MED12L: variants seen among roughly 807,000 people sequenced by gnomAD.
The protein encoded by MED12L is mediator of RNA polymerase II transcription subunit 12-like protein.
In MED12L, 60 loss-of-function variants were observed where a neutral mutation model predicts 281.3. The ratio of observed to expected loss-of-function variants is 0.21; its 90% confidence interval spans 0.17 to 0.26. The LOEUF (loss-of-function observed/expected upper bound fraction) is 0.26, where lower values mean the gene tolerates loss of function less well. MED12L is among the 10% of genes least tolerant of loss of function. The pLI, the probability that MED12L is intolerant of heterozygous loss-of-function variation, is 1.00. For synonymous variants in MED12L, 974 were observed against 987.2 expected, an observed-to-expected ratio of 0.99 and a Z score of 0.25; for missense variants, 2,146 against 2,680.9, an observed-to-expected ratio of 0.80 and a Z score of 4.41.
At chr3:151,417,003 A>G (rs1035822400) in intron 43 of MED12L, among the ~76,000 whole-genome samples, 10 of 152,200 alleles carry the variant, frequency 6.6e-5, no homozygotes, top group African/African-American at 2.4e-4. Flanking sequence ...CTGTTTCATT[A>G]ATTACTTTTT....
At chr3:151,207,370 T>A (rs1439725945) in intron 16 of MED12L, among the ~76,000 whole-genome samples, 3 of 152,202 alleles carry the variant, frequency 2.0e-5, no homozygotes. Flanking sequence ...CTATGTGCTG[T>A]TAGAACCTGT....
chr3:151,086,111 C>T (rs1020077733), intron 1 of MED12L, among the ~76,000 whole-genome samples, 175 bp downstream of exon 1: 5 of 152,180 alleles, frequency 3.3e-5, no homozygotes, highest in African/African-American at 9.6e-5. Context: ...AAGTCGGCCC[C>T]ACGCCACCGT....
At chr3:151,172,812 A>G (rs949100293) in intron 11 of MED12L, among the ~76,000 whole-genome samples, 8 of 152,254 alleles carry the variant, frequency 5.3e-5, no homozygotes, top group African/African-American at 1.9e-4. Flanking sequence ...GATGCTGATC[A>G]CAGCCCAGCC....
intron 16 of MED12L, among the ~76,000 whole-genome samples, chr3:151,303,835 T>C (rs936981194): frequency 7.2e-5 from 11 of 152,110 alleles, no homozygotes; most frequent in African/African-American, 2.7e-4. Flanking sequence ...ATGTAGACTT[T>C]TTAATGGAGC....
intron 11 of MED12L, among the ~76,000 whole-genome samples, chr3:151,171,081 C>T (rs1721364058): frequency 6.6e-6 from 1 of 152,226 alleles, no homozygotes; most frequent in Non-Finnish European, 1.5e-5. Flanking sequence ...TGTCACTTTT[C>T]AATTCCTGGT....
chr3:151,416,054 G>A (rs1717502088), intron 42 of MED12L, among the ~76,000 whole-genome samples: 1 of 152,178 alleles, frequency 6.6e-6, no homozygotes, highest in South Asian at 2.1e-4. Flanking sequence ...GCGCAGTGTG[G>A]AATAGACAGC....
chr3:151,180,337 T>C (rs188350079), intron 11 of MED12L, among the ~76,000 whole-genome samples: 10 of 152,342 alleles, frequency 6.6e-5, no homozygotes, highest in African/African-American at 2.4e-4. Context: ...TCCCAGGAGA[T>C]ACCGAAGGGG....
chr3:151,411,640 A>T (rs1716949917), intron 41 of MED12L, 133 bp downstream of exon 41: 1 of 780,104 alleles, frequency 1.3e-6, no homozygotes, highest in Non-Finnish European at 2.1e-6. Context: ...GCATTCTGTC[A>T]TCTCGTTTTT....
At chr3:151,358,452 T>C (rs1754203600) in intron 20 of MED12L, among the ~76,000 whole-genome samples, 1 of 152,150 alleles carries the variant, frequency 6.6e-6, no homozygotes, top group African/African-American at 2.4e-5. Context: ...TTAATAAAAA[T>C]CTTTCGAACT....
intron 14 of MED12L, 87 bp downstream of exon 14, chr3:151,191,018 A>G: frequency 2.6e-6 from 3 of 1,161,406 alleles, no homozygotes; most frequent in South Asian, 2.8e-5. Flanking sequence ...GTGGTAGAAG[A>G]GTGATGGCTT....
At chr3:151,173,947 A>G (rs1254427108) in intron 11 of MED12L, among the ~76,000 whole-genome samples, 2 of 152,210 alleles carry the variant, frequency 1.3e-5, no homozygotes, top group Non-Finnish European at 2.9e-5. Context: ...AGTTTTTTGT[A>G]CAGTGATGAA....
In MED12L at chr3:151,303,325, A is replaced by G. The variant is rs376862989; in HGVS notation, c.2251-46734A>G. On this transcript the variant is annotated intron_variant, in intron 16 of 44. Transcript: ENST00000687756. ...GTTGATTTCATGATGCCTGTGTAGT[A>G]TGCATGTGGAGGTGTCTACTAGATG... Among the ~76,000 whole-genome samples the G allele has an allele frequency of 2.7e-4, 41 of 152,160 alleles. No homozygotes were observed. In the East Asian group the frequency reaches 4.3e-3, roughly 16 times the overall value.
intron 39 of MED12L, among the ~76,000 whole-genome samples, chr3:151,408,010 A>G (rs1716526844): frequency 6.6e-6 from 1 of 152,226 alleles, no homozygotes; most frequent in African/African-American, 2.4e-5. Flanking sequence ...TTAAATAATA[A>G]GCACCAAATA....
At chr3:151,242,187 C>A (rs182307274) in intron 16 of MED12L, among the ~76,000 whole-genome samples, 172 of 152,256 alleles carry the variant, frequency 1.1e-3, no homozygotes, top group Middle Eastern at 3.4e-3. Context: ...GGCAGCAACA[C>A]GGCTGGGGGA....
At chr3:151,429,370 C>T (rs971328956) in intron 43 of MED12L, among the ~76,000 whole-genome samples, 2 of 152,148 alleles carry the variant, frequency 1.3e-5, no homozygotes, top group African/African-American at 4.8e-5. Flanking sequence ...AGAGTGGGCA[C>T]ATGGGAAACA....
At position 151,141,185 on chromosome 3, in the gene MED12L, TTG is replaced by T. The variant is rs1254258419; in HGVS notation, c.556+13203_556+13204del. On this transcript the variant is annotated intron_variant, in intron 5 of 44. Coordinates refer to ENST00000687756, the MANE Select transcript of MED12L (RefSeq NM_001393769.1). ...CCTGGCGTTTTTTTTTTTGTTTTTT[TTG>T]TTTTTTTTTTTTTGTTAGTAGAGAC... 2.9e-4 allele frequency among the ~76,000 whole-genome samples: 30 copies of T among 103,808 alleles called. 1 individual carries two copies. Among genetic ancestry groups the T allele is most frequent in the African/African-American group, 1.5e-3 (28 of 19,038 alleles). The allele number at this position is 103,808 out of a possible 152,430, so 68.1% of individuals were successfully genotyped here. A position where few individuals can be genotyped will look rare whatever the true frequency, so the allele number is the denominator to read the frequency against.
chr3:151,119,978 G>T (rs113266913), intron 3 of MED12L, among the ~76,000 whole-genome samples: 1,650 of 151,750 alleles, frequency 0.011, 30 homozygotes, highest in African/African-American at 0.038. Context: ...CAGCACTTTG[G>T]GGGGCTGAGG....
chr3:151,286,828 C>T (rs1743574940), intron 16 of MED12L, among the ~76,000 whole-genome samples: 1 of 152,134 alleles, frequency 6.6e-6, no homozygotes, highest in African/African-American at 2.4e-5. Flanking sequence ...TTACATGAGC[C>T]ATTCTAATTT....
intron 16 of MED12L, among the ~76,000 whole-genome samples, chr3:151,334,536 C>T (rs1485914061): frequency 6.6e-6 from 1 of 151,816 alleles, no homozygotes; most frequent in Non-Finnish European, 1.5e-5. Context: ...GATGGAGTCT[C>T]ACTCTGTTGC....
Sources: allele counts gnomAD v4.1 joint callset (sites outside exome capture counted in the v4.1 genomes callset), GRCh38; gene constraint gnomAD v4.1.1; transcripts MANE v1.5; gene names NCBI Gene and HGNC (gene_info 2026-07-23, HGNC 2026-07-21).